Variants in KLF8 observed in about 807,000 individuals in gnomAD.
KLF8 encodes the protein KLF transcription factor 8.
KLF8 carries 10 observed loss-of-function variants against 18.2 expected under a neutral mutation model. The ratio of observed to expected loss-of-function variants is 0.55; its 90% confidence interval spans 0.34 to 0.93. KLF8 has a LOEUF of 0.93. Ranked by LOEUF, KLF8 falls within the 40% of genes least tolerant of loss-of-function variation. The pLI is 0.02. For synonymous variants in KLF8, 109 were observed against 97.3 expected (o/e 1.12, Z -0.71); for missense variants, 264 against 277.9 (o/e 0.95, Z 0.36).
At chrX:56,030,370 G>A in the KLF8 span, among the ~76,000 whole-genome samples, 4 of 111,429 alleles carry the variant, frequency 3.6e-5, no homozygotes, top group African/African-American at 9.8e-5. Context: ...AGCACCCTTC[G>A]CTTTTCATCT....
chrX:56,129,763 T>G, the KLF8 span, among the ~76,000 whole-genome samples: 2 of 111,481 alleles, frequency 1.8e-5, no homozygotes, highest in Admixed American at 9.5e-5. Context: ...GGCAGGCTGG[T>G]AGCCTGGGAC....
At chrX:56,169,270 C>T in the KLF8 span, among the ~76,000 whole-genome samples, 1 of 111,416 alleles carries the variant, frequency 9.0e-6, no homozygotes, top group Non-Finnish European at 1.9e-5. Context: ...CATTCCCAAC[C>T]GCGGTGGCTA....
chrX:55,921,919 C>T, the KLF8 span, among the ~76,000 whole-genome samples: 1 of 112,222 alleles, frequency 8.9e-6, no homozygotes, highest in Non-Finnish European at 1.9e-5. Context: ...AATGAGATAA[C>T]ATCTCATGCC....
the KLF8 span, among the ~76,000 whole-genome samples, chrX:55,986,819 T>C: frequency 9.0e-6 from 1 of 111,731 alleles, no homozygotes; most frequent in African/African-American, 3.3e-5. Flanking sequence ...TAGCACCAGA[T>C]ACATAGCTTT....
chrX:56,241,579 A>G (rs1180102262), intron 1 of KLF8, among the ~76,000 whole-genome samples: 1 of 112,325 alleles, frequency 8.9e-6, no homozygotes, highest in Non-Finnish European at 1.9e-5. Flanking sequence ...GAAACCTGAG[A>G]TGATTATTAT....
the KLF8 span, among the ~76,000 whole-genome samples, chrX:56,106,102 G>T: frequency 9.0e-6 from 1 of 111,202 alleles, no homozygotes; most frequent in South Asian, 3.9e-4. Flanking sequence ...AGTCTGATGG[G>T]CTTCCCTTTT....
chrX:55,912,621 A>G, the KLF8 span, among the ~76,000 whole-genome samples: 1 of 111,413 alleles, frequency 9.0e-6, no homozygotes, highest in Non-Finnish European at 1.9e-5. Context: ...ACCTTATCCA[A>G]GATCATACAG....
At chrX:56,222,615 C>T in the KLF8 span, among the ~76,000 whole-genome samples, 7 of 112,996 alleles carry the variant, frequency 6.2e-5, no homozygotes, top group African/African-American at 2.2e-4. Context: ...ACTCCTCAGC[C>T]CTTGGGCGGT....
the KLF8 span, among the ~76,000 whole-genome samples, chrX:56,169,239 G>T: frequency 9.0e-6 from 1 of 111,445 alleles, no homozygotes; most frequent in Non-Finnish European, 1.9e-5. Flanking sequence ...CAGATTTACC[G>T]GTTTCAGATG....
the KLF8 span, among the ~76,000 whole-genome samples, chrX:56,086,117 A>G: frequency 5.3e-5 from 6 of 112,424 alleles, no homozygotes; most frequent in African/African-American, 1.9e-4. Context: ...GAAGACCCTT[A>G]CTAGGATTTG....
At chrX:56,140,817 A>AG in the KLF8 span, among the ~76,000 whole-genome samples, 67 of 90,856 alleles carry the variant, frequency 7.4e-4, 1 homozygote, top group Middle Eastern at 6.2e-3. Flanking sequence ...AAAAAAAAAA[A>AG]AAGAAATGCT....
the KLF8 span, among the ~76,000 whole-genome samples, chrX:56,017,090 G>A: frequency 8.9e-6 from 1 of 112,041 alleles, no homozygotes; most frequent in Non-Finnish European, 1.9e-5. Context: ...ACAGAGGCTG[G>A]TCTAGAAATC....
the KLF8 span, among the ~76,000 whole-genome samples, chrX:56,105,050 T>G: frequency 2.7e-5 from 3 of 112,184 alleles, no homozygotes; most frequent in Non-Finnish European, 5.6e-5. Context: ...AATCCTGAGT[T>G]CTAATTTGAT....
At chrX:56,280,622 T>C (rs1008638732) in intron 5 of KLF8, among the ~76,000 whole-genome samples, 3 of 112,385 alleles carry the variant, frequency 2.7e-5, no homozygotes, top group Non-Finnish European at 5.6e-5. Flanking sequence ...TAAGACTATG[T>C]ATTGTGAAAC....
the KLF8 span, among the ~76,000 whole-genome samples, chrX:56,061,857 C>A: frequency 1.1e-4 from 12 of 110,642 alleles, no homozygotes; most frequent in Non-Finnish European, 1.3e-4. Context: ...GTATTGGGTG[C>A]ATATATATTT....
the KLF8 span, among the ~76,000 whole-genome samples, chrX:55,959,172 G>A: frequency 8.9e-6 from 1 of 112,288 alleles, no homozygotes; most frequent in Non-Finnish European, 1.9e-5. Flanking sequence ...TTGGCTCCAT[G>A]AAAGTATCTA....
chrX:55,928,789 G>A, the KLF8 span, among the ~76,000 whole-genome samples: 1 of 111,969 alleles, frequency 8.9e-6, no homozygotes, highest in South Asian at 3.7e-4. Context: ...ATTTGGGTTG[G>A]TTCCAGGACT....
the KLF8 span, among the ~76,000 whole-genome samples, chrX:56,167,584 G>T: frequency 8.9e-6 from 1 of 112,056 alleles, no homozygotes; most frequent in Non-Finnish European, 1.9e-5. Flanking sequence ...AACCCCCTGA[G>T]AGTGAAATAG....
chrX:55,980,671 G>C, the KLF8 span, among the ~76,000 whole-genome samples: 1 of 111,560 alleles, frequency 9.0e-6, no homozygotes, highest in African/African-American at 3.3e-5. Context: ...ATGATTCCTG[G>C]GCTAAGAGAC....
Sources: allele counts gnomAD v4.1 joint callset (sites outside exome capture counted in the v4.1 genomes callset), GRCh38; gene constraint gnomAD v4.1.1; transcripts MANE v1.5; gene names NCBI Gene and HGNC (gene_info 2026-07-23, HGNC 2026-07-21).